CYP2E1: variants seen among roughly 807,000 people sequenced by gnomAD.
The protein encoded by CYP2E1 is cytochrome P450 2E1.
CYP2E1 carries 31 observed loss-of-function variants against 42.9 expected under a neutral mutation model. That is an observed-to-expected ratio of 0.72 (90% CI 0.54 to 0.98). The LOEUF (loss-of-function observed/expected upper bound fraction) is 0.98. Ranked by LOEUF, CYP2E1 falls within the 50% of genes least tolerant of loss-of-function variation. CYP2E1 has a pLI of 0.00. For missense variants in CYP2E1, 565 were observed against 633.2 expected (o/e 0.89, Z 1.16); for synonymous variants, 244 against 248.9 (o/e 0.98, Z 0.19).
At position 133,538,970 on chromosome 10, in the gene CYP2E1, T is replaced by C; in HGVS notation, c.*6T>C. The C allele has an allele frequency of 6.3e-7, 1 of 1,596,188 alleles. No homozygotes were observed. Among genetic ancestry groups the C allele is most frequent in the East Asian group, 2.3e-5 (1 of 44,304 alleles). On this transcript the variant is annotated 3_prime_UTR_variant, in exon 9 of 9. Coordinates refer to ENST00000252945, the MANE Select transcript of CYP2E1 (RefSeq NM_000773.4). ...GTGTCATTCCCCGCTCATGAGTGTG[T>C]GGAGGACACCCTGAACCCCCCGCTT... is the stretch of plus-strand genomic sequence containing the variant.
chr10:133,535,015 C>T (rs1413477022), intron 6 of CYP2E1, among the ~76,000 whole-genome samples: 1 of 151,926 alleles, frequency 6.6e-6, no homozygotes, highest in African/African-American at 2.4e-5. Flanking sequence ...AGGTGCACAC[C>T]ACCACACCCA....
intron 6 of CYP2E1, among the ~76,000 whole-genome samples, chr10:133,536,175 C>A (rs954192669): frequency 2.6e-5 from 4 of 152,170 alleles, no homozygotes; most frequent in Admixed American, 1.3e-4. Context: ...AAAACACTTT[C>A]ATTATTCTCT....
In CYP2E1 at chr10:133,532,170, C is replaced by T. The variant is rs568558058; in HGVS notation, c.534C>T (p.Asn178=). 3.2e-4 allele frequency: 513 copies of T among 1,613,976 alleles called. 6 individuals are homozygous for T. The South Asian group carries it at 5.0e-3, about 16-fold the overall frequency. ...TCCTCATCGGCTGCGCGCCCTGCAACGTCATAGCCGACATCCTCTTCCGCA... is the reference window on the plus strand; with the variant it reads ...TCCTCATCGGCTGCGCGCCCTGCAATGTCATAGCCGACATCCTCTTCCGCA... ...PTFLIGCAPC[N]VIADILFRKH... is the part of the protein sequence containing the mutation. The change falls in exon 4 of 9, where the codon AAC becomes AAT. Residue 178 remains asparagine (N), a synonymous_variant. Transcript: ENST00000252945.
At chr10:133,531,446 C>T in intron 2 of CYP2E1, 139 bp from the exon 3 acceptor site, 1 of 1,028,016 alleles carries the variant, frequency 9.7e-7, no homozygotes, top group Non-Finnish European at 1.5e-6. Flanking sequence ...GGACACCCCT[C>T]TGTCTCTCTG....
chr10:133,534,076 G>A (rs1365276544), intron 6 of CYP2E1, among the ~76,000 whole-genome samples, 179 bp downstream of exon 6: 1 of 152,110 alleles, frequency 6.6e-6, no homozygotes, highest in Non-Finnish European at 1.5e-5. Flanking sequence ...CTGAACACCT[G>A]GTACTCTTGC....
intron 4 of CYP2E1, 33 bp downstream of exon 4, chr10:133,532,317 A>G (rs1273489178): frequency 6.3e-7 from 1 of 1,595,310 alleles, no homozygotes; most frequent in South Asian, 1.1e-5. Context: ...TCAGTCATCA[A>G]CTGTAGAGTT....
intron 2 of CYP2E1, among the ~76,000 whole-genome samples, chr10:133,531,319 T>A (rs7088600): frequency 0.077 from 11,685 of 152,018 alleles, 1,049 homozygotes; most frequent in African/African-American, 0.21. Context: ...CAGCATGAAG[T>A]AGAGCACCCA....
chr10:133,533,879 A>G lies in CYP2E1; in HGVS notation c.949A>G (p.Lys317Glu). ...TLRYGLLILM[K>E]YPEIEEKLHE... ...GAGATATGGGCTCCTGATTCTCATG[A>G]AATACCCTGAGATCGAAGGTAGGCA... is the stretch of plus-strand genomic sequence containing the variant. The change falls in exon 6 of 9, where the codon AAA (lysine) becomes GAA (glutamate). Residue 317 changes from lysine to glutamate, a missense_variant. Lys to Glu is a moderately conservative substitution (Grantham distance 56). Coordinates refer to ENST00000252945, the MANE Select transcript of CYP2E1 (RefSeq NM_000773.4). 1 of 1,614,134 alleles carries G rather than the reference A, an allele frequency of 6.2e-7. No homozygotes were observed. The highest frequency in any genetic ancestry group is 8.5e-7 in the Non-Finnish European group (1 of 1,180,008).
At chr10:133,529,111 T>C (rs1235749344) in intron 2 of CYP2E1, among the ~76,000 whole-genome samples, 1 of 152,206 alleles carries the variant, frequency 6.6e-6, no homozygotes, top group Non-Finnish European at 1.5e-5. Flanking sequence ...GAGTCTCTGA[T>C]GTCCCGCTGG....
chr10:133,528,693 A>T (rs894638010), intron 2 of CYP2E1, 53 bp downstream of exon 2: 2 of 1,597,974 alleles, frequency 1.3e-6, no homozygotes, highest in Non-Finnish European at 1.7e-6. Context: ...GCCCCGGGAC[A>T]GTTACGGGCG....
chr10:133,531,901 C>G, intron 3 of CYP2E1, 167 bp downstream of exon 3: 1 of 803,720 alleles, frequency 1.2e-6, no homozygotes, highest in East Asian at 2.7e-5. Context: ...TCCAGCTACA[C>G]AGTTCAGGGA....
At chr10:133,528,189 G>A (rs917293483) in intron 1 of CYP2E1, 6 of 318,876 alleles carry the variant, frequency 1.9e-5, no homozygotes, top group Admixed American at 1.8e-4. Flanking sequence ...TGGTGGGCGC[G>A]CCTGAGGGAA....
intron 2 of CYP2E1, among the ~76,000 whole-genome samples, chr10:133,530,891 G>A (rs776119002): frequency 3.9e-5 from 6 of 152,252 alleles, no homozygotes; most frequent in East Asian, 1.9e-4. Flanking sequence ...GGGAATATGC[G>A]AACATTTTTA....
intron 6 of CYP2E1, among the ~76,000 whole-genome samples, chr10:133,534,223 A>G (rs4646976): frequency 0.037 from 5,595 of 152,262 alleles, 198 homozygotes; most frequent in East Asian, 0.18. Flanking sequence ...ATAATGTCCC[A>G]GTTCCCCCCA....
intron 5 of CYP2E1, among the ~76,000 whole-genome samples, chr10:133,533,489 C>A (rs1851362835): frequency 6.6e-6 from 1 of 152,178 alleles, no homozygotes; most frequent in Non-Finnish European, 1.5e-5. Context: ...TGACCAAGGT[C>A]AGGGGGATCT....
intron 8 of CYP2E1, among the ~76,000 whole-genome samples, 191 bp from the exon 9 acceptor site, chr10:133,538,589 T>A (rs1246461612): frequency 2.0e-5 from 3 of 152,210 alleles, no homozygotes; most frequent in African/African-American, 7.2e-5. Flanking sequence ...CCCGAATTAG[T>A]CAGTGTTGCT....
At chr10:133,537,280 T>C (rs1281483304) in intron 7 of CYP2E1, 30 bp downstream of exon 7, 1 of 1,603,308 alleles carries the variant, frequency 6.2e-7, no homozygotes, top group Non-Finnish European at 8.5e-7. Context: ...GCACACAGCA[T>C]GAACACCATC....
rs1239678934 is a variant in CYP2E1 at position 133,531,647 on chromosome 10, C to A, written c.400C>A (p.Arg134=). 2.5e-6 allele frequency: 4 copies of A among 1,613,970 alleles called. No individual in the cohort carries two copies. The change falls in exon 3 of 9, where the codon CGG becomes AGG. Residue 134 remains arginine, a synonymous_variant. Transcript: ENST00000252945. ...CCGGCGGTTTTCCCTGACCACCCTC[C>A]GGAACTATGGGATGGGGAAACAGGG... is the stretch of plus-strand genomic sequence containing the variant. ...DIRRFSLTTL[R]NYGMGKQGNE...
Position 133,537,731 on chromosome 10 carries a change from A to C in CYP2E1, c.1156-20A>C. The C allele has an allele frequency of 6.2e-7, 1 of 1,604,370 alleles. No individual in the cohort carries two copies. Among genetic ancestry groups the C allele is most frequent in the Non-Finnish European group, 8.5e-7 (1 of 1,176,052 alleles). On this transcript the variant is annotated intron_variant, in intron 7 of 8. Transcript: ENST00000252945. ...CATTTTGTTAACATGACTCACTGAG[A>C]CAGTCTTTGTTTCTCCTAGGGCACA...
Sources: allele counts gnomAD v4.1 joint callset (sites outside exome capture counted in the v4.1 genomes callset), GRCh38; gene constraint gnomAD v4.1.1; transcripts MANE v1.5; gene names NCBI Gene and HGNC (gene_info 2026-07-23, HGNC 2026-07-21).